Variants in IL1RAPL2 observed in about 807,000 individuals in gnomAD.
The protein encoded by IL1RAPL2 is X-linked interleukin-1 receptor accessory protein-like 2.
Under a neutral mutation model 44.1 loss-of-function variants are expected in IL1RAPL2, and 3 were observed. The observed-to-expected ratio is 0.07, with a 90% CI of 0.03 to 0.18. IL1RAPL2 has a LOEUF of 0.18. Ranked by LOEUF, IL1RAPL2 falls within the 10% of genes least tolerant of loss-of-function variation. The probability of loss-of-function intolerance (pLI) is 1.00; values close to 1 mark genes in which losing one functional copy is unlikely to be tolerated. For missense variants in IL1RAPL2, 391 were observed against 496.4 expected (o/e 0.79, Z 2.02); for synonymous variants, 181 against 178.8 (o/e 1.01, Z -0.10).
intron 2 of IL1RAPL2, among the ~76,000 whole-genome samples, chrX:104,949,533 C>G (rs1253919650): frequency 1.3e-4 from 14 of 105,032 alleles, no homozygotes; most frequent in African/African-American, 4.9e-4. Context: ...TTGGATCTTT[C>G]CTGCTTTCTC....
chrX:105,181,915 A>C (rs2033534741), intron 2 of IL1RAPL2, among the ~76,000 whole-genome samples: 1 of 109,220 alleles, frequency 9.2e-6, no homozygotes, highest in African/African-American at 3.3e-5. Flanking sequence ...ATAGAAAAAA[A>C]AATTAGCTGG....
intron 2 of IL1RAPL2, among the ~76,000 whole-genome samples, chrX:104,718,365 G>A (rs1931617358): frequency 9.0e-6 from 1 of 111,331 alleles, no homozygotes; most frequent in African/African-American, 3.3e-5. Flanking sequence ...GTGATGATGA[G>A]CATTTTTCTT....
At chrX:104,631,637 C>G (rs1354135531) in intron 1 of IL1RAPL2, among the ~76,000 whole-genome samples, 6 of 112,134 alleles carry the variant, frequency 5.4e-5, no homozygotes, top group Non-Finnish European at 9.4e-5. Context: ...TAAATGTCTT[C>G]TTCTGCGAAG....
chrX:104,998,894 G>T (rs2030799514), intron 2 of IL1RAPL2, among the ~76,000 whole-genome samples: 1 of 111,628 alleles, frequency 9.0e-6, no homozygotes, highest in African/African-American at 3.3e-5. Context: ...CTGGACTCCT[G>T]GACTCAAGGG....
In IL1RAPL2 at chrX:104,918,134, A is replaced by G. The variant is rs141036167; in HGVS notation, c.82+259139A>G. 6.2e-5 allele frequency among the ~76,000 whole-genome samples: 7 copies of G among 112,372 alleles called. No individual in the cohort carries two copies. The East Asian group carries it at 1.7e-3, about 27-fold the overall frequency. ...GGTCTGTCGCTACCAGTGTTTCTCA[A>G]CTGAACGTTTGCAATTATCTAACAC... is the stretch of plus-strand genomic sequence containing the variant. On this transcript the variant is annotated intron_variant, in intron 2 of 10. Coordinates refer to ENST00000372582, the MANE Select transcript of IL1RAPL2 (RefSeq NM_017416.2).
At chrX:105,226,503 T>A (rs2034016986) in intron 3 of IL1RAPL2, among the ~76,000 whole-genome samples, 1 of 104,665 alleles carries the variant, frequency 9.6e-6, no homozygotes, top group African/African-American at 3.5e-5. Context: ...GTTCAAGTGA[T>A]TCTCGTGCCT....
At chrX:104,650,902 T>G (rs1221869974) in intron 1 of IL1RAPL2, among the ~76,000 whole-genome samples, 4 of 111,880 alleles carry the variant, frequency 3.6e-5, no homozygotes, top group African/African-American at 1.3e-4. Context: ...CAAATCCTTT[T>G]TCCATAATTT....
intron 5 of IL1RAPL2, among the ~76,000 whole-genome samples, chrX:105,284,820 A>G (rs981681049): frequency 2.7e-5 from 3 of 111,354 alleles, no homozygotes; most frequent in African/African-American, 9.8e-5. Flanking sequence ...AGATTCATGC[A>G]TTTCTCAAGT....
At chrX:104,706,781 C>T (rs988860997) in intron 2 of IL1RAPL2, among the ~76,000 whole-genome samples, 7 of 111,362 alleles carry the variant, frequency 6.3e-5, no homozygotes, top group Admixed American at 9.6e-5. Flanking sequence ...TATGAGGGGC[C>T]GTACTTTTTA....
chrX:104,936,721 C>G (rs1477679128), intron 2 of IL1RAPL2, among the ~76,000 whole-genome samples: 1 of 104,098 alleles, frequency 9.6e-6, no homozygotes, highest in Non-Finnish European at 1.9e-5. Flanking sequence ...CTCTCAGGTT[C>G]ACGCTATTCT....
intron 2 of IL1RAPL2, among the ~76,000 whole-genome samples, chrX:105,146,475 A>C (rs2147586401): frequency 8.9e-6 from 1 of 111,965 alleles, no homozygotes; most frequent in South Asian, 3.7e-4. Context: ...TATATGGCTA[A>C]TATAAATATT....
At chrX:104,779,378 A>G (rs771322511) in intron 2 of IL1RAPL2, among the ~76,000 whole-genome samples, 1 of 111,771 alleles carries the variant, frequency 8.9e-6, no homozygotes, top group African/African-American at 3.3e-5. Flanking sequence ...CAGTCTCCTC[A>G]CCACTGAGGG....
At chrX:105,575,800 A>C (rs1476882426) in intron 6 of IL1RAPL2, among the ~76,000 whole-genome samples, 1 of 112,318 alleles carries the variant, frequency 8.9e-6, no homozygotes, top group East Asian at 2.8e-4. Flanking sequence ...GCAGTGTATA[A>C]GTGTTTCCTT....
At chrX:104,880,885 G>A (rs902940174) in intron 2 of IL1RAPL2, among the ~76,000 whole-genome samples, 2 of 111,593 alleles carry the variant, frequency 1.8e-5, no homozygotes, top group Non-Finnish European at 3.8e-5. Flanking sequence ...ATTGATTTTT[G>A]TAGGCTATTA....
chrX:105,214,379 A>G (rs797038974), intron 3 of IL1RAPL2, among the ~76,000 whole-genome samples: 1 of 108,527 alleles, frequency 9.2e-6, no homozygotes, highest in South Asian at 4.1e-4. Context: ...AAGACAAAGA[A>G]GGGCATTACA....
rs374726948 is a variant in IL1RAPL2, at chrX:105,248,634, A to G, written c.543+14630A>G. 4.2e-4 allele frequency among the ~76,000 whole-genome samples: 41 copies of G among 97,468 alleles called. 3 individuals carry two copies. The highest frequency in any genetic ancestry group is 2.7e-3 in the Admixed American group (27 of 10,115). The allele number at this position is 97,468 out of a possible 115,157, so 84.6% of individuals were successfully genotyped here. On this transcript the variant is annotated intron_variant, in intron 4 of 10. Coordinates refer to ENST00000372582, the MANE Select transcript of IL1RAPL2 (RefSeq NM_017416.2). Reference sequence around the variant, plus strand: ...ATCACCAGAATATATAAGGATCTCAAATAATTTTGTAGGAAAAAAACCTAA... The same window carrying G: ...ATCACCAGAATATATAAGGATCTCAGATAATTTTGTAGGAAAAAAACCTAA...
At chrX:105,070,270 G>A (rs933269346) in intron 2 of IL1RAPL2, among the ~76,000 whole-genome samples, 1 of 111,678 alleles carries the variant, frequency 9.0e-6, no homozygotes, top group African/African-American at 3.3e-5. Context: ...CCACTAGGAA[G>A]GGCACCTTCC....
chrX:105,085,825 AT>A (rs1160669833), intron 2 of IL1RAPL2, among the ~76,000 whole-genome samples: 1 of 111,970 alleles, frequency 8.9e-6, no homozygotes, highest in Non-Finnish European at 1.9e-5. Flanking sequence ...TTAAACACAT[AT>A]TTTTTATGTT....
chrX:105,486,530 ACCCTTACTGAC>A (rs1230411929), intron 6 of IL1RAPL2, among the ~76,000 whole-genome samples: 1 of 110,777 alleles, frequency 9.0e-6, no homozygotes, highest in Non-Finnish European at 1.9e-5. Context: ...ATATGCTGAT[ACCCTTACTGAC>A]TGTATGATAC....
Sources: allele counts gnomAD v4.1 joint callset (sites outside exome capture counted in the v4.1 genomes callset), GRCh38; gene constraint gnomAD v4.1.1; transcripts MANE v1.5; gene names NCBI Gene and HGNC (gene_info 2026-07-23, HGNC 2026-07-21).